MNAT1: variants seen among roughly 807,000 people sequenced by gnomAD.
MNAT1 encodes MNAT1 component of CDK activating kinase.
MNAT1 carries 43 observed loss-of-function variants against 42.0 expected under a neutral mutation model. That is an observed-to-expected ratio of 1.02 (90% CI 0.80 to 1.32). MNAT1 has a LOEUF of 1.32. MNAT1 is among the 40% of genes most tolerant of loss of function. The pLI is 0.00. For synonymous variants in MNAT1, 118 were observed against 120.0 expected (o/e 0.98, Z 0.11); for missense variants, 306 against 350.4 (o/e 0.87, Z 1.01).
chr14:60,779,382 T>A (rs1455893638), intron 1 of MNAT1, among the ~76,000 whole-genome samples: 1 of 152,196 alleles, frequency 6.6e-6, no homozygotes, highest in African/African-American at 2.4e-5. Flanking sequence ...GAGGGGACTC[T>A]AAAGAGGGAT....
At position 60,754,421 on chromosome 14, in the gene MNAT1, C is replaced by T. The variant is rs149652962; in HGVS notation, c.89+19470C>T. ...GGAGTGCAGTGGCACGATCTTGGCT[C>T]ACTGCAACCTCCGCCTCCCAGGTTC... On this transcript the variant is annotated intron_variant, in intron 1 of 7. Transcript: ENST00000261245. 5.1e-3 allele frequency among the ~76,000 whole-genome samples: 765 copies of T among 149,496 alleles called. 14 individuals are homozygous for T. The highest frequency in any genetic ancestry group is 0.018 in the African/African-American group (718 of 40,486).
At chr14:60,792,780 A>G (rs975546436) in intron 1 of MNAT1, among the ~76,000 whole-genome samples, 2 of 152,198 alleles carry the variant, frequency 1.3e-5, no homozygotes, top group Non-Finnish European at 2.9e-5. Flanking sequence ...ATTCAGAGAG[A>G]AAAAGGATGT....
At chr14:60,820,737 A>C (rs963493371) in intron 6 of MNAT1, among the ~76,000 whole-genome samples, 1 of 152,138 alleles carries the variant, frequency 6.6e-6, no homozygotes, top group African/African-American at 2.4e-5. Context: ...TGTGTACCCC[A>C]TAATCTAGTC....
chr14:60,828,745 A>G (rs893578552), intron 6 of MNAT1, among the ~76,000 whole-genome samples: 20 of 152,178 alleles, frequency 1.3e-4, no homozygotes, highest in Admixed American at 6.5e-5. Flanking sequence ...ACTGTTGACT[A>G]ACTGGCTATA....
rs145514112 is a variant in MNAT1, at chr14:60,890,475, C to A, written c.809+10640C>A. Among the ~76,000 whole-genome samples, 780 of 152,210 alleles carry A rather than the reference C, an allele frequency of 5.1e-3. 14 individuals are homozygous for A. The highest frequency in any genetic ancestry group is 0.018 in the African/African-American group (732 of 41,536). ...TGTATATATGAAGGGGAGTTTATTA[C>A]GGAGTATTGACTCACACGATCACAA... On this transcript the variant is annotated intron_variant, in intron 7 of 7. Coordinates refer to ENST00000261245, the MANE Select transcript of MNAT1 (RefSeq NM_002431.4).
chr14:60,856,624 ACT>A (rs1052422865), intron 6 of MNAT1, among the ~76,000 whole-genome samples: 23 of 150,854 alleles, frequency 1.5e-4, no homozygotes, highest in Non-Finnish European at 2.9e-4. Context: ...AAGGCTGCTG[ACT>A]CTCTTTTTAG....
intron 7 of MNAT1, among the ~76,000 whole-genome samples, chr14:60,960,285 G>C (rs747721998): frequency 3.3e-5 from 5 of 152,114 alleles, no homozygotes; most frequent in African/African-American, 1.2e-4. Context: ...GGGATAGCAG[G>C]GGATAGCTGC....
chr14:60,801,735 A>C (rs887876763), intron 3 of MNAT1, among the ~76,000 whole-genome samples: 6 of 152,202 alleles, frequency 3.9e-5, no homozygotes, highest in Non-Finnish European at 8.8e-5. Flanking sequence ...TGGGAATGTG[A>C]ATTAGTACAG....
chr14:60,747,679 A>G (rs1476678708), intron 1 of MNAT1, among the ~76,000 whole-genome samples: 3 of 152,206 alleles, frequency 2.0e-5, no homozygotes, highest in Non-Finnish European at 4.4e-5. Flanking sequence ...TACTGTAGAC[A>G]TTATAAGCCC....
At chr14:60,780,057 G>A in intron 1 of MNAT1, 1 of 1,484,826 alleles carries the variant, frequency 6.7e-7, no homozygotes, top group South Asian at 1.1e-5. Context: ...TTCTCATTCG[G>A]CATCAACAGC....
At chr14:60,833,288 C>A (rs1295986552) in intron 6 of MNAT1, among the ~76,000 whole-genome samples, 1 of 152,130 alleles carries the variant, frequency 6.6e-6, no homozygotes, top group Non-Finnish European at 1.5e-5. Context: ...AGCTTTTGCC[C>A]ATTCCGTATG....
intron 1 of MNAT1, among the ~76,000 whole-genome samples, chr14:60,785,338 A>G (rs764780709): frequency 6.6e-6 from 1 of 152,240 alleles, no homozygotes; most frequent in Non-Finnish European, 1.5e-5. Flanking sequence ...TTACAAATAT[A>G]AAATATAACT....
chr14:60,810,156 A>G (rs1468891512), intron 4 of MNAT1, among the ~76,000 whole-genome samples: 1 of 152,126 alleles, frequency 6.6e-6, no homozygotes, highest in African/African-American at 2.4e-5. Flanking sequence ...AATTGTTCAT[A>G]GTAGTCTCTT....
At chr14:60,918,979 CCAAGTGAAGGGG>C (rs1474703532) in intron 7 of MNAT1, among the ~76,000 whole-genome samples, 1 of 151,720 alleles carries the variant, frequency 6.6e-6, no homozygotes, top group Non-Finnish European at 1.5e-5. Context: ...GTGAAACTAA[CCAAGTGAAGGGG>C]CAAGAGAAGG....
chr14:60,961,172 G>A (rs1197491165), intron 7 of MNAT1, among the ~76,000 whole-genome samples: 1 of 152,046 alleles, frequency 6.6e-6, no homozygotes, highest in East Asian at 1.9e-4. Flanking sequence ...ATGTTGGTCG[G>A]GCAGGTCTCG....
chr14:60,901,656 A>G (rs894191024), intron 7 of MNAT1, among the ~76,000 whole-genome samples: 3 of 152,236 alleles, frequency 2.0e-5, no homozygotes, highest in Admixed American at 6.5e-5. Context: ...ATTTGAAAGA[A>G]GTTAATTCCA....
intron 6 of MNAT1, 31 bp from the exon 7 acceptor site, chr14:60,879,683 G>C: frequency 6.4e-7 from 1 of 1,572,376 alleles, no homozygotes; most frequent in East Asian, 2.2e-5. Flanking sequence ...ATAATAATAA[G>C]AGGTATTAAG....
At chr14:60,896,555 G>A (rs895260113) in intron 7 of MNAT1, among the ~76,000 whole-genome samples, 1 of 151,922 alleles carries the variant, frequency 6.6e-6, no homozygotes, top group Non-Finnish European at 1.5e-5. Flanking sequence ...GCGTGATCTC[G>A]GCTCACTGCA....
intron 1 of MNAT1, among the ~76,000 whole-genome samples, chr14:60,745,244 C>A (rs1366463046): frequency 1.3e-5 from 2 of 152,194 alleles, no homozygotes; most frequent in African/African-American, 4.8e-5. Flanking sequence ...TGCCTGTTGT[C>A]TAATGCCTGT....
Sources: allele counts gnomAD v4.1 joint callset (sites outside exome capture counted in the v4.1 genomes callset), GRCh38; gene constraint gnomAD v4.1.1; transcripts MANE v1.5; gene names NCBI Gene and HGNC (gene_info 2026-07-23, HGNC 2026-07-21).